Variants in BRINP2 observed in about 807,000 individuals in gnomAD.
BRINP2 encodes the protein BMP/retinoic acid inducible neural specific 2, also known as BMP/retinoic acid-inducible neural-specific protein 2.
In BRINP2, 21 loss-of-function variants were observed where a neutral mutation model predicts 69.2. The ratio of observed to expected loss-of-function variants is 0.30; its 90% CI spans 0.22 to 0.44. The LOEUF (loss-of-function observed/expected upper bound fraction) is 0.44, where lower values mean the gene tolerates loss of function less well. BRINP2 is among the 20% of genes least tolerant of loss of function. The pLI is 1.00. For missense variants in BRINP2, 877 were observed against 986.0 expected, an observed-to-expected ratio of 0.89 and a Z score of 1.48; for synonymous variants, 380 against 394.1, an observed-to-expected ratio of 0.96 and a Z score of 0.42.
intron 2 of BRINP2, among the ~76,000 whole-genome samples, chr1:177,234,742 G>T (rs1425619927): frequency 1.3e-5 from 2 of 152,218 alleles, no homozygotes; most frequent in Middle Eastern, 6.8e-3. Context: ...TTTTGGAAAG[G>T]GATGGTCTGG....
intron 2 of BRINP2, among the ~76,000 whole-genome samples, chr1:177,230,835 C>T (rs1208942521): frequency 2.0e-5 from 3 of 152,318 alleles, no homozygotes; most frequent in African/African-American, 7.2e-5. Flanking sequence ...ACCTCCAGGG[C>T]TCCCACAGTG....
intron 2 of BRINP2, among the ~76,000 whole-genome samples, chr1:177,250,343 T>TTGTC (rs2102341267): frequency 6.6e-6 from 1 of 152,154 alleles, no homozygotes; most frequent in Non-Finnish European, 1.5e-5. Context: ...GTTTGTTTGT[T>TTGTC]TGAGATGGAG....
At chr1:177,191,484 T>C (rs923697845) in intron 1 of BRINP2, among the ~76,000 whole-genome samples, 3 of 152,146 alleles carry the variant, frequency 2.0e-5, no homozygotes, top group Admixed American at 2.0e-4. Flanking sequence ...AGATGGAGTC[T>C]AGCTCTGTCA....
At chr1:177,267,924 C>T (rs1651178851) in intron 4 of BRINP2, among the ~76,000 whole-genome samples, 1 of 152,174 alleles carries the variant, frequency 6.6e-6, no homozygotes, top group South Asian at 2.1e-4. Flanking sequence ...ATTCAGCTTC[C>T]ACTGGGCTGA....
At chr1:177,249,631 C>T (rs986007645) in intron 2 of BRINP2, among the ~76,000 whole-genome samples, 6 of 152,060 alleles carry the variant, frequency 3.9e-5, no homozygotes, top group South Asian at 2.1e-4. Context: ...TTAATTGAAG[C>T]AGTGTGTGTT....
At chr1:177,188,187 T>G (rs1166908505) in intron 1 of BRINP2, among the ~76,000 whole-genome samples, 1 of 152,226 alleles carries the variant, frequency 6.6e-6, no homozygotes, top group Non-Finnish European at 1.5e-5. Context: ...GTACTGTAAC[T>G]TACTCAGCTT....
chr1:177,185,375 T>A (rs1648396754), intron 1 of BRINP2, among the ~76,000 whole-genome samples: 1 of 152,190 alleles, frequency 6.6e-6, no homozygotes, highest in South Asian at 2.1e-4. Context: ...TGTGTTTAAA[T>A]AAATTTTCTA....
rs771272662 is a variant in BRINP2 at position 177,256,016 on chromosome 1, C to T, written c.367C>T (p.Arg123Cys). Residue 123 changes from arginine to cysteine, a missense_variant, in exon 3 of 8, where the codon CGC becomes TGC. Physicochemically the swap from Arg to Cys is radical, Grantham distance 180. Around this residue, in one of 3 missense-constraint regions of BRINP2, gnomAD observed 566 missense variants for 625.2 expected, o/e 0.91. Coordinates refer to ENST00000361539, the MANE Select transcript of BRINP2 (RefSeq NM_021165.4). The stretch of plus-strand genomic sequence containing the variant: ...TGCCCCAGAGTTTATCCGGAACATT[C>T]GCCTCCTTGGAAGGAGACCCAATCT... ...PLAPEFIRNIRLLGRRPNLQQ... is the reference protein window; with the variant it reads ...PLAPEFIRNICLLGRRPNLQQ... 1.9e-6 allele frequency: 3 copies of T among 1,614,128 alleles called. No individual in the cohort carries two copies. Among genetic ancestry groups the T allele is most frequent in the South Asian group, 1.1e-5 (1 of 91,072 alleles).
intron 1 of BRINP2, among the ~76,000 whole-genome samples, chr1:177,191,510 A>G (rs1648594283): frequency 6.6e-6 from 1 of 152,028 alleles, no homozygotes; most frequent in Non-Finnish European, 1.5e-5. Context: ...GCTGGAGTGC[A>G]ATGGCAAGAT....
intron 4 of BRINP2, among the ~76,000 whole-genome samples, chr1:177,269,987 C>T (rs1651252233): frequency 6.7e-6 from 1 of 150,048 alleles, no homozygotes; most frequent in African/African-American, 2.4e-5. Flanking sequence ...TTATAATCTG[C>T]CAAAGCTGTC....
chr1:177,195,426 C>T (rs538503750), intron 1 of BRINP2, among the ~76,000 whole-genome samples: 2 of 151,132 alleles, frequency 1.3e-5, no homozygotes, highest in Non-Finnish European at 2.9e-5. Flanking sequence ...AGGAGCAGCC[C>T]AAGGCAGACA....
At chr1:177,230,497 A>G (rs776403489) in intron 2 of BRINP2, among the ~76,000 whole-genome samples, 1 of 152,200 alleles carries the variant, frequency 6.6e-6, no homozygotes, top group East Asian at 1.9e-4. Context: ...TGCTGGGGCC[A>G]GGTTTTAACT....
At chr1:177,177,938 G>A (rs1648138170) in intron 1 of BRINP2, among the ~76,000 whole-genome samples, 1 of 152,158 alleles carries the variant, frequency 6.6e-6, no homozygotes, top group Non-Finnish European at 1.5e-5. Flanking sequence ...CACATCCCAA[G>A]CTATTCCTTT....
chr1:177,265,325 A>G (rs918238210), intron 4 of BRINP2, among the ~76,000 whole-genome samples: 35 of 152,250 alleles, frequency 2.3e-4, no homozygotes, highest in African/African-American at 8.0e-4. Context: ...TTAAAGACTT[A>G]AACCATAAAA....
chr1:177,268,677 C>G (rs1156327779), intron 4 of BRINP2, among the ~76,000 whole-genome samples: 1 of 152,146 alleles, frequency 6.6e-6, no homozygotes, highest in Non-Finnish European at 1.5e-5. Context: ...TGTTTACATG[C>G]CTATCACCTT....
chr1:177,241,024 T>C (rs1251519572), intron 2 of BRINP2, among the ~76,000 whole-genome samples: 1 of 151,244 alleles, frequency 6.6e-6, no homozygotes, highest in Non-Finnish European at 1.5e-5. Context: ...CAGGCTGGAG[T>C]ACAGTGGTGC....
chr1:177,205,213 G>A (rs185634399), intron 1 of BRINP2, among the ~76,000 whole-genome samples: 155 of 151,994 alleles, frequency 1.0e-3, no homozygotes, highest in Non-Finnish European at 1.0e-3. Context: ...GCATGATCTC[G>A]GCTCACAATC....
chr1:177,175,061 C>G (rs894642282), intron 1 of BRINP2, among the ~76,000 whole-genome samples: 10 of 152,168 alleles, frequency 6.6e-5, no homozygotes, highest in Non-Finnish European at 1.3e-4. Flanking sequence ...AAGAGAGAGC[C>G]TTGATTTTCC....
At chr1:177,254,030 A>C (rs1650669845) in intron 2 of BRINP2, among the ~76,000 whole-genome samples, 1 of 152,094 alleles carries the variant, frequency 6.6e-6, no homozygotes, top group Non-Finnish European at 1.5e-5. Context: ...GGGACAATGG[A>C]AAACTCATTT....
Sources: allele counts gnomAD v4.1 joint callset (sites outside exome capture counted in the v4.1 genomes callset), GRCh38; gene constraint gnomAD v4.1.1; regional missense constraint gnomAD v4.1.1; transcripts MANE v1.5; gene names NCBI Gene and HGNC (gene_info 2026-07-23, HGNC 2026-07-21).